Variants in DACH1 observed in about 807,000 individuals in gnomAD.
DACH1 encodes dachshund homolog 1.
DACH1 carries 12 observed loss-of-function variants against 54.2 expected under a neutral mutation model. The observed-to-expected ratio is 0.22, with a 90% CI of 0.14 to 0.36. The LOEUF (loss-of-function observed/expected upper bound fraction) is 0.36. Among genes scored for constraint, DACH1 ranks in the 10% least tolerant of loss-of-function variants. DACH1 has a pLI of 1.00. For synonymous variants in DACH1, 386 were observed against 366.2 expected (o/e 1.05, Z -0.62); for missense variants, 805 against 929.8 (o/e 0.87, Z 1.75).
chr13:71,799,665 C>T (rs1260380216), intron 1 of DACH1, among the ~76,000 whole-genome samples: 1 of 152,046 alleles, frequency 6.6e-6, no homozygotes, highest in Non-Finnish European at 1.5e-5. Context: ...TGATGGAATT[C>T]CCAACTAAGT....
chr13:71,759,631 T>A (rs1204789335), intron 1 of DACH1, among the ~76,000 whole-genome samples: 1 of 152,164 alleles, frequency 6.6e-6, no homozygotes, highest in African/African-American at 2.4e-5. Flanking sequence ...TGAACTATAG[T>A]TGTCAAAAGA....
At chr13:71,701,952 A>G (rs887208106) in intron 1 of DACH1, among the ~76,000 whole-genome samples, 1 of 151,862 alleles carries the variant, frequency 6.6e-6, no homozygotes, top group Non-Finnish European at 1.5e-5. Flanking sequence ...CATGATACCA[A>G]CTCCACATGC....
chr13:71,518,003 A>G (rs968542993), intron 6 of DACH1, among the ~76,000 whole-genome samples: 3 of 151,890 alleles, frequency 2.0e-5, no homozygotes, highest in African/African-American at 7.2e-5. Flanking sequence ...TGTAACACCA[A>G]CTACTCTACC....
chr13:71,585,444 G>A (rs1305806724), intron 3 of DACH1, among the ~76,000 whole-genome samples: 4 of 152,150 alleles, frequency 2.6e-5, no homozygotes, highest in African/African-American at 4.8e-5. Flanking sequence ...GCTTAAGGTC[G>A]CACAGCCTTT....
At chr13:71,551,709 G>C (rs991484568) in intron 6 of DACH1, among the ~76,000 whole-genome samples, 3 of 151,948 alleles carry the variant, frequency 2.0e-5, no homozygotes, top group Non-Finnish European at 4.4e-5. Flanking sequence ...CCAAAAACTT[G>C]AATAAAGTGA....
At chr13:71,571,881 G>A (rs547894687) in intron 4 of DACH1, among the ~76,000 whole-genome samples, 2 of 151,858 alleles carry the variant, frequency 1.3e-5, no homozygotes, top group African/African-American at 2.4e-5. Flanking sequence ...GACTACAGGC[G>A]CCCGCCACCA....
At chr13:71,814,184 C>G (rs1887825238) in intron 1 of DACH1, among the ~76,000 whole-genome samples, 2 of 152,144 alleles carry the variant, frequency 1.3e-5, no homozygotes, top group Non-Finnish European at 2.9e-5. Flanking sequence ...TCCAAATGGG[C>G]AGTTTTTAAG....
chr13:71,461,801 C>A (rs1876097357), intron 10 of DACH1, among the ~76,000 whole-genome samples: 1 of 151,542 alleles, frequency 6.6e-6, no homozygotes, highest in African/African-American at 2.4e-5. Context: ...CAAGAGAGGC[C>A]TAAAACTATA....
Position 71,675,333 on chromosome 13 carries a change from C to A in DACH1, c.964+6462G>T, listed in dbSNP as rs1248387159. On this transcript the variant is annotated intron_variant, in intron 2 of 10. Transcript: ENST00000613252. Reference sequence around the variant, plus strand: ...ATCTGCGCTTCCAGAGCGCAGCTATCGGTGCTTTGCAGGAGGCAAGTGAGG... The same window carrying A: ...ATCTGCGCTTCCAGAGCGCAGCTATAGGTGCTTTGCAGGAGGCAAGTGAGG... 3.8e-6 allele frequency: 6 copies of A among 1,587,326 alleles called. No individual in the cohort carries two copies. In the South Asian group the frequency reaches 4.4e-5, roughly 12 times the overall value.
intron 1 of DACH1, among the ~76,000 whole-genome samples, chr13:71,705,333 T>C (rs1013671519): frequency 3.3e-5 from 5 of 151,978 alleles, no homozygotes; most frequent in Non-Finnish European, 7.3e-5. Flanking sequence ...AACTAGAAAA[T>C]GCTCTAAAGC....
chr13:71,552,816 T>C (rs1883921634), intron 6 of DACH1, among the ~76,000 whole-genome samples: 1 of 54,862 alleles, frequency 1.8e-5, no homozygotes, highest in African/African-American at 8.3e-5. Flanking sequence ...TATATATATA[T>C]ATATATATAT....
At chr13:71,787,573 C>CA (rs1364574417) in intron 1 of DACH1, among the ~76,000 whole-genome samples, 1 of 152,114 alleles carries the variant, frequency 6.6e-6, no homozygotes, top group Admixed American at 6.6e-5. Context: ...GATGTAGCCT[C>CA]GCTTCGCTTG....
intron 10 of DACH1, among the ~76,000 whole-genome samples, chr13:71,461,479 A>T (rs4883892): frequency 2.6e-5 from 4 of 151,922 alleles, no homozygotes; most frequent in Admixed American, 6.6e-5. Flanking sequence ...AGCCCGCATC[A>T]TACTCAGGCT....
At chr13:71,796,599 C>T (rs988760237) in intron 1 of DACH1, among the ~76,000 whole-genome samples, 2 of 152,024 alleles carry the variant, frequency 1.3e-5, no homozygotes, top group African/African-American at 2.4e-5. Flanking sequence ...AAAAGTGTCT[C>T]ACTTGGCCGG....
At chr13:71,779,262 T>TACA (rs1566495192) in intron 1 of DACH1, among the ~76,000 whole-genome samples, 1 of 66,626 alleles carries the variant, frequency 1.5e-5, no homozygotes, top group Non-Finnish European at 3.1e-5. Flanking sequence ...TACGTATATA[T>TACA]GTGTATATAT....
intron 6 of DACH1, among the ~76,000 whole-genome samples, chr13:71,515,924 T>C (rs1408564961): frequency 1.3e-5 from 2 of 151,906 alleles, no homozygotes; most frequent in East Asian, 3.9e-4. Context: ...TGGCACACAC[T>C]GAGATAACAA....
intron 2 of DACH1, among the ~76,000 whole-genome samples, chr13:71,675,860 C>A (rs1271206549): frequency 7.2e-5 from 11 of 152,078 alleles, no homozygotes; most frequent in Non-Finnish European, 1.5e-4. Context: ...GTGTTTGTAG[C>A]ATTTTTATCA....
At chr13:71,580,166 C>T (rs181340725) in intron 3 of DACH1, among the ~76,000 whole-genome samples, 70 of 152,164 alleles carry the variant, frequency 4.6e-4, no homozygotes, top group Non-Finnish European at 8.8e-4. Flanking sequence ...TTCATACACA[C>T]TTTGCTATCT....
chr13:71,585,977 G>A lies in DACH1; in HGVS notation c.1127-12965C>T, dbSNP rs1018064763. On this transcript the variant is annotated intron_variant, in intron 3 of 10. Coordinates refer to ENST00000613252, the MANE Select transcript of DACH1 (RefSeq NM_080759.6). ...TGACTGAAGAACAAATTGGCTTTCAGAGCCAGCCATGACAAAACAATTATG... is the reference window on the plus strand; with the variant it reads ...TGACTGAAGAACAAATTGGCTTTCAAAGCCAGCCATGACAAAACAATTATG... 2.0e-5 allele frequency among the ~76,000 whole-genome samples: 3 copies of A among 152,162 alleles called. No individual in the cohort carries two copies. The East Asian group carries it at 5.8e-4, about 29-fold the overall frequency.
Sources: gnomAD v4.1 joint callset for allele counts (sites outside exome capture counted in the v4.1 genomes callset) on GRCh38, gnomAD v4.1.1 for gene constraint, MANE v1.5 for transcripts, NCBI Gene and HGNC (gene_info 2026-07-23, HGNC 2026-07-21) for gene names.